Variants in MTMR7 observed in about 807,000 individuals in gnomAD.
MTMR7 encodes the protein myotubularin related protein 7.
A neutral mutation model predicts 81.2 loss-of-function variants in MTMR7; 76 were observed. That is an observed-to-expected ratio of 0.94 (90% CI 0.78 to 1.13). The LOEUF (loss-of-function observed/expected upper bound fraction) is 1.13, where lower values mean the gene tolerates loss of function less well. MTMR7 is among the 50% of genes most tolerant of loss of function. The probability of loss-of-function intolerance (pLI) is 0.00; values close to 1 mark genes in which losing one functional copy is unlikely to be tolerated. For synonymous variants in MTMR7, 372 were observed against 289.8 expected (o/e 1.28, Z -2.88); for missense variants, 1,044 against 820.0 (o/e 1.27, Z -3.34).
chr8:17,410,605 G>A (rs570678592), intron 1 of MTMR7, among the ~76,000 whole-genome samples: 5 of 152,262 alleles, frequency 3.3e-5, no homozygotes, highest in Non-Finnish European at 7.4e-5. Context: ...CCCTCTAGAG[G>A]AACCATTCTG....
intron 1 of MTMR7, among the ~76,000 whole-genome samples, chr8:17,391,511 C>T (rs2150577937): frequency 6.6e-6 from 1 of 152,282 alleles, no homozygotes; most frequent in African/African-American, 2.4e-5. Flanking sequence ...ATAGAGAAAG[C>T]ACTCAAGGAA....
rs544951852 is a variant in MTMR7 at position 17,413,201 on chromosome 8, C to T, written c.24+68G>A. On this transcript the variant is annotated intron_variant, in intron 1 of 13. Coordinates refer to ENST00000180173, the MANE Select transcript of MTMR7 (RefSeq NM_004686.5). ...CTCAAAGCAGTCGGCCTCCCGCGCG[C>T]TCAGCATCCCTCCTCCTCCTCCCCC... 4.8e-5 allele frequency: 72 copies of T among 1,512,180 alleles called. No homozygotes were observed. In the African/African-American group the frequency reaches 9.4e-4, roughly 20 times the overall value. 93.7% of individuals were successfully genotyped at this position (1,512,180 alleles called of 1,614,324 possible). A position where few individuals can be genotyped will look rare whatever the true frequency, so the allele number is the denominator to read the frequency against.
chr8:17,348,834 A>T, intron 5 of MTMR7, 119 bp downstream of exon 5: 1 of 1,232,632 alleles, frequency 8.1e-7, no homozygotes. Flanking sequence ...AGGAATATCC[A>T]CATACCTTCT....
At chr8:17,346,812 G>A (rs986068108) in intron 5 of MTMR7, among the ~76,000 whole-genome samples, 6 of 135,894 alleles carry the variant, frequency 4.4e-5, no homozygotes, top group African/African-American at 1.7e-4. Context: ...AAAAAAAAAT[G>A]TGCATGTTAC....
chr8:17,409,130 C>G (rs1024951714), intron 1 of MTMR7, among the ~76,000 whole-genome samples: 8 of 152,076 alleles, frequency 5.3e-5, no homozygotes, highest in African/African-American at 1.7e-4. Flanking sequence ...GTACAATGCA[C>G]AAGAGGCCTG....
At chr8:17,363,368 G>C (rs542623305) in intron 3 of MTMR7, among the ~76,000 whole-genome samples, 1 of 152,328 alleles carries the variant, frequency 6.6e-6, no homozygotes, top group South Asian at 2.1e-4. Flanking sequence ...GGTAATAATG[G>C]CAGTTAAGTT....
chr8:17,373,134 G>A lies in MTMR7; in HGVS notation c.131C>T (p.Pro44Leu), dbSNP rs779033734. The A allele has an allele frequency of 1.2e-6, 2 of 1,613,804 alleles. No homozygotes were observed. The highest frequency in any genetic ancestry group is 1.7e-6 in the Non-Finnish European group (2 of 1,179,848). ...AAAGCATACCCATGTTTCTTTTCTT[G>A]GGTCAGGTGAATTTTCCACGAATAT... The part of the protein sequence containing the change: ...HVIFVENSPD[P>L]RKETWILHSQ... The change falls in exon 2 of 14, where the codon CCA (proline) becomes CTA (leucine). Residue 44 changes from proline (P) to leucine (L), a missense_variant. Coordinates refer to ENST00000180173, the MANE Select transcript of MTMR7 (RefSeq NM_004686.5).
chr8:17,408,395 C>CAAAAAAAAAAAAAAAAAA (rs530240881), intron 1 of MTMR7, among the ~76,000 whole-genome samples: 10 of 23,510 alleles, frequency 4.3e-4, no homozygotes, highest in Admixed American at 8.5e-4. Context: ...GACTCCGTCT[C>CAAAAAAAAAAAAAAAAAA]AAAAAAAAAA....
intron 1 of MTMR7, among the ~76,000 whole-genome samples, chr8:17,390,432 C>G (rs775974528): frequency 3.9e-5 from 6 of 152,120 alleles, no homozygotes; most frequent in Non-Finnish European, 7.4e-5. Context: ...ATCATGCAAC[C>G]ATCTCCCACC....
intron 6 of MTMR7, among the ~76,000 whole-genome samples, chr8:17,335,715 TC>T (rs1341637425): frequency 1.3e-5 from 2 of 152,228 alleles, no homozygotes; most frequent in Non-Finnish European, 2.9e-5. Flanking sequence ...TTGATTTTAT[TC>T]CTTGCAACTA....
At chr8:17,302,443 GT>G (rs897122681) in intron 12 of MTMR7, 163 bp from the exon 13 acceptor site, 5 of 720,488 alleles carry the variant, frequency 6.9e-6, no homozygotes, top group African/African-American at 3.7e-5. Context: ...TCATGTTGAT[GT>G]TTTTTTTCTT....
At chr8:17,352,953 C>T (rs745499017) in intron 4 of MTMR7, among the ~76,000 whole-genome samples, 1 of 152,124 alleles carries the variant, frequency 6.6e-6, no homozygotes, top group Non-Finnish European at 1.5e-5. Context: ...TGGATGTATG[C>T]CCAAAGGACT....
In MTMR7 at chr8:17,300,126, G is replaced by A; in HGVS notation, c.1719C>T (p.Asn573=). The stretch of plus-strand genomic sequence containing the variant: ...AATCCTGGGGAGTGTTGGCTATGCT[G>A]TTGTCTGAGGTAGAAAACCCTGAGT... ...SKHSGFSTSD[N]SIANTPQDYS... is the part of the protein sequence containing the mutation. Residue 573 remains asparagine, a synonymous_variant, in exon 14 of 14, where the codon AAC becomes AAT. Coordinates refer to ENST00000180173, the MANE Select transcript of MTMR7 (RefSeq NM_004686.5). The A allele has an allele frequency of 6.2e-7, 1 of 1,614,102 alleles. No individual in the cohort carries two copies. Among genetic ancestry groups the A allele is most frequent in the Non-Finnish European group, 8.5e-7 (1 of 1,180,000 alleles).
At chr8:17,361,009 A>T (rs1030804974) in intron 4 of MTMR7, 108 bp downstream of exon 4, 3 of 1,212,306 alleles carry the variant, frequency 2.5e-6, no homozygotes, top group East Asian at 2.4e-5. Flanking sequence ...CCACATATGG[A>T]TATCTACAAA....
chr8:17,377,029 G>A (rs1014087596), intron 1 of MTMR7, among the ~76,000 whole-genome samples: 9 of 151,540 alleles, frequency 5.9e-5, no homozygotes, highest in South Asian at 2.1e-4. Context: ...TATTTTTCCC[G>A]CCATAATTGT....
intron 13 of MTMR7, 75 bp downstream of exon 13, chr8:17,302,079 T>C (rs1817153952): frequency 6.3e-7 from 1 of 1,583,220 alleles, no homozygotes; most frequent in African/African-American, 1.3e-5. Context: ...CACTGAATCT[T>C]AAGAGGCTTT....
intron 4 of MTMR7, among the ~76,000 whole-genome samples, chr8:17,356,862 C>T (rs920490551): frequency 1.3e-5 from 2 of 152,064 alleles, no homozygotes; most frequent in African/African-American, 4.8e-5. Flanking sequence ...GAGTCTGTGC[C>T]GTAATGAGAA....
chr8:17,370,679 A>G (rs182942540), intron 3 of MTMR7, among the ~76,000 whole-genome samples: 24 of 152,222 alleles, frequency 1.6e-4, no homozygotes, highest in Admixed American at 6.5e-4. Context: ...TTTCCACACA[A>G]AACAACTGAT....
intron 12 of MTMR7, among the ~76,000 whole-genome samples, chr8:17,303,554 C>T (rs1817261963): frequency 6.6e-6 from 1 of 151,700 alleles, no homozygotes; most frequent in South Asian, 2.1e-4. Context: ...TAGCACATAC[C>T]TAGTAGAACT....
Sources: gnomAD v4.1 joint callset for allele counts (sites outside exome capture counted in the v4.1 genomes callset) on GRCh38, gnomAD v4.1.1 for gene constraint, MANE v1.5 for transcripts, NCBI Gene and HGNC (gene_info 2026-07-23, HGNC 2026-07-21) for gene names.